The following TCERG1 variants were observed in gnomAD, a reference collection of about 807,000 sequenced individuals.
TCERG1 encodes TATA box binding protein (TBP)-associated factor, RNA polymerase II, S, 150kD.
In TCERG1, 37 loss-of-function variants were observed where a neutral mutation model predicts 144.7. The observed-to-expected ratio is 0.26, with a 90% CI of 0.20 to 0.34. The LOEUF (loss-of-function observed/expected upper bound fraction) is 0.34, where lower values mean the gene tolerates loss of function less well. Among genes scored for constraint, TCERG1 ranks in the 10% least tolerant of loss-of-function variants. The pLI is 1.00. For missense variants in TCERG1, 1,027 were observed against 1,380.7 expected, an observed-to-expected ratio of 0.74 and a Z score of 4.06; for synonymous variants, 492 against 458.2, an observed-to-expected ratio of 1.07 and a Z score of -0.94.
At chr5:146,488,237 CA>C (rs1464277206) in intron 15 of TCERG1, among the ~76,000 whole-genome samples, 2 of 152,002 alleles carry the variant, frequency 1.3e-5, no homozygotes, top group African/African-American at 4.8e-5. Flanking sequence ...CAAGAATAAA[CA>C]AATGGGGTTA....
At chr5:146,465,129 C>G (rs1300719588) in intron 5 of TCERG1, among the ~76,000 whole-genome samples, 1 of 152,184 alleles carries the variant, frequency 6.6e-6, no homozygotes, top group Non-Finnish European at 1.5e-5. Context: ...ATACTTTTCT[C>G]TATGTGTAAT....
rs1245585606 is a variant in TCERG1 at position 146,499,094 on chromosome 5, A to G, written c.2433+408A>G. ...TAGTGACTTTCTATTCTTTCAGTAA[A>G]CATATCTTACATATAAATTATTGCT... On this transcript the variant is annotated intron_variant, in intron 17 of 22. Transcript: ENST00000679501. Among the ~76,000 whole-genome samples, 10 of 152,206 alleles carry G rather than the reference A, an allele frequency of 6.6e-5. No individual in the cohort carries two copies. In the East Asian group the frequency reaches 1.9e-3, roughly 29 times the overall value.
intron 5 of TCERG1, among the ~76,000 whole-genome samples, chr5:146,467,466 C>T (rs1210615836): frequency 2.0e-5 from 3 of 152,106 alleles, no homozygotes; most frequent in African/African-American, 7.2e-5. Flanking sequence ...CTTAGTTTTG[C>T]AGCTTTTCTT....
chr5:146,485,784 C>CT (rs2150598512), intron 15 of TCERG1, among the ~76,000 whole-genome samples: 1 of 152,226 alleles, frequency 6.6e-6, no homozygotes, highest in Non-Finnish European at 1.5e-5. Flanking sequence ...GCCTCTGCCT[C>CT]TCAGGGTTCA....
intron 5 of TCERG1, among the ~76,000 whole-genome samples, chr5:146,467,664 T>C (rs1026942804): frequency 7.2e-5 from 11 of 152,236 alleles, no homozygotes; most frequent in Non-Finnish European, 1.6e-4. Context: ...TGTTTCTTAA[T>C]GTTTTAGCCT....
chr5:146,486,444 T>C (rs1765838044), intron 15 of TCERG1, among the ~76,000 whole-genome samples: 1 of 152,236 alleles, frequency 6.6e-6, no homozygotes, highest in South Asian at 2.1e-4. Context: ...TGAATAACAT[T>C]TTCCATAAAA....
intron 4 of TCERG1, among the ~76,000 whole-genome samples, chr5:146,460,545 G>A (rs1335991506): frequency 1.3e-5 from 2 of 152,070 alleles, no homozygotes; most frequent in African/African-American, 2.4e-5. Context: ...AAGAAAAAAT[G>A]TGGGGTTTTT....
At chr5:146,488,480 T>C (rs1374471394) in intron 15 of TCERG1, among the ~76,000 whole-genome samples, 1 of 152,128 alleles carries the variant, frequency 6.6e-6, no homozygotes, top group East Asian at 1.9e-4. Context: ...GAAAAAATGC[T>C]CAACATCACT....
chr5:146,470,615 T>A, intron 7 of TCERG1, 21 bp from the exon 8 acceptor site: 1 of 1,578,170 alleles, frequency 6.3e-7, no homozygotes, highest in Non-Finnish European at 8.6e-7. Context: ...TTGAGTGACA[T>A]TATCTTAATT....
At chr5:146,482,376 G>T in intron 13 of TCERG1, 2 of 356,026 alleles carry the variant, frequency 5.6e-6, no homozygotes, top group East Asian at 4.7e-5. Context: ...TCCTAATAAT[G>T]TAGCCATTGT....
At position 146,507,689 on chromosome 5, in the gene TCERG1, T is replaced by G; in HGVS notation, c.2962-184T>G. On this transcript the variant is annotated intron_variant, in intron 20 of 22. Coordinates refer to ENST00000679501, the MANE Select transcript of TCERG1 (RefSeq NM_001382548.1). The surrounding 1 kb of genome is among the most constrained non-coding windows in gnomAD (Gnocchi z 4.6). Reference sequence around the variant, plus strand: ...AAAGTATGGCCATGAAAATAACTCTTGTGGCAAGCCAACAAAAAGAAATTG... The same window carrying G: ...AAAGTATGGCCATGAAAATAACTCTGGTGGCAAGCCAACAAAAAGAAATTG... 1 of 462,494 alleles carries G rather than the reference T, an allele frequency of 2.2e-6. No individual in the cohort carries two copies. Among genetic ancestry groups the G allele is most frequent in the Non-Finnish European group, 3.8e-6 (1 of 264,548 alleles). The allele number at this position is 462,494 out of a possible 1,614,324, so 28.6% of individuals were successfully genotyped here. A position where few individuals can be genotyped will look rare whatever the true frequency, so the allele number is the denominator to read the frequency against.
At position 146,495,581 on chromosome 5, in the gene TCERG1, G is replaced by A. The variant is rs545815427; in HGVS notation, c.2282+2543G>A. Among the ~76,000 whole-genome samples the A allele has an allele frequency of 5.3e-5, 8 of 152,264 alleles. No individual in the cohort carries two copies. The South Asian group carries it at 1.7e-3, about 32-fold the overall frequency. Reference sequence around the variant, plus strand: ...TGTTGGATATTGATTAGTATTGGTTGCATACAAAAGATTATTAGAATCTAG... The same window carrying A: ...TGTTGGATATTGATTAGTATTGGTTACATACAAAAGATTATTAGAATCTAG... On this transcript the variant is annotated intron_variant, in intron 16 of 22. Transcript: ENST00000679501.
chr5:146,447,370 C>G lies in TCERG1; in HGVS notation c.21C>G (p.Asp7Glu). Reference protein sequence around the residue: MAERGGDGGESERFNPG... With the variant: MAERGGEGGESERFNPG... ...CTGTAATGGCGGAGCGTGGCGGGGA[C>G]GGGGGCGAGAGTGAACGATTCAACC... Residue 7 changes from aspartate to glutamate, a missense_variant, in exon 1 of 23, where the codon GAC becomes GAG. Asp to Glu is a conservative substitution (Grantham distance 45). Transcript: ENST00000679501. 2 of 1,610,926 alleles carry G rather than the reference C, an allele frequency of 1.2e-6. No individual in the cohort carries two copies. Among genetic ancestry groups the G allele is most frequent in the Non-Finnish European group, 1.7e-6 (2 of 1,178,748 alleles).
At chr5:146,495,299 G>A (rs189977449) in intron 16 of TCERG1, among the ~76,000 whole-genome samples, 79 of 152,248 alleles carry the variant, frequency 5.2e-4, no homozygotes, top group Admixed American at 6.5e-4. Context: ...TGAATGTCTT[G>A]TTGGCACTAA....
chr5:146,499,386 A>G (rs548801232), intron 17 of TCERG1, among the ~76,000 whole-genome samples: 5 of 152,230 alleles, frequency 3.3e-5, no homozygotes, highest in Non-Finnish European at 7.3e-5. Flanking sequence ...TACAAGTTCT[A>G]TTAAGAAATG....
intron 9 of TCERG1, among the ~76,000 whole-genome samples, chr5:146,473,528 T>C (rs1204017993): frequency 3.9e-5 from 6 of 152,174 alleles, no homozygotes. Context: ...CAGCCTTCTA[T>C]TGGGAGAACA....
At chr5:146,462,171 A>G (rs182961912) in intron 4 of TCERG1, 2 of 152,760 alleles carry the variant, frequency 1.3e-5, no homozygotes, top group Admixed American at 1.3e-4. Context: ...ATTAGAAGCT[A>G]GAAAAAGATA....
chr5:146,468,155 T>C (rs1335436874), intron 5 of TCERG1, among the ~76,000 whole-genome samples, 186 bp from the exon 6 acceptor site: 1 of 152,186 alleles, frequency 6.6e-6, no homozygotes, highest in Non-Finnish European at 1.5e-5. Flanking sequence ...CATTTAGAAT[T>C]AGTGTCATTG....
chr5:146,506,355 A>G (rs181263190), intron 19 of TCERG1, among the ~76,000 whole-genome samples: 2 of 152,180 alleles, frequency 1.3e-5, no homozygotes, highest in African/African-American at 4.8e-5. Context: ...TATGCCTTCT[A>G]TTATACTGTC....
Sources: allele counts gnomAD v4.1 joint callset (sites outside exome capture counted in the v4.1 genomes callset), GRCh38; gene constraint gnomAD v4.1.1; non-coding constraint Gnocchi (gnomAD v3.1); transcripts MANE v1.5; gene names NCBI Gene and HGNC (gene_info 2026-07-23, HGNC 2026-07-21).